CCDC171: variants seen among roughly 807,000 people sequenced by gnomAD.
The protein encoded by CCDC171 is coiled-coil domain-containing protein 171.
A neutral mutation model predicts 168.2 loss-of-function variants in CCDC171; 177 were observed. The observed-to-expected ratio is 1.05, with a 90% CI of 0.93 to 1.19. The LOEUF (loss-of-function observed/expected upper bound fraction) is 1.19. CCDC171 is among the 50% of genes most tolerant of loss of function. CCDC171 has a pLI of 0.00. For missense variants in CCDC171, 1,991 were observed against 1,539.0 expected, an observed-to-expected ratio of 1.29 and a Z score of -4.91; for synonymous variants, 687 against 540.8, an observed-to-expected ratio of 1.27 and a Z score of -3.75.
intron 11 of CCDC171, among the ~76,000 whole-genome samples, chr9:15,708,065 C>T (rs1000658859): frequency 1.3e-5 from 2 of 152,196 alleles, no homozygotes; most frequent in Non-Finnish European, 2.9e-5. Context: ...CCAGGCTGGT[C>T]TTGAACTCCT....
chr9:15,569,081 G>C (rs2039989610), intron 2 of CCDC171, among the ~76,000 whole-genome samples: 1 of 152,160 alleles, frequency 6.6e-6, no homozygotes, highest in Non-Finnish European at 1.5e-5. Context: ...CTAGACTTTG[G>C]AGGAACTACT....
At chr9:15,936,410 A>G (rs1827124615) in intron 25 of CCDC171, among the ~76,000 whole-genome samples, 1 of 151,886 alleles carries the variant, frequency 6.6e-6, no homozygotes, top group African/African-American at 2.4e-5. Context: ...CACCAGCACA[A>G]TTTACAATCA....
At chr9:15,770,453 A>T (rs2056955832) in intron 18 of CCDC171, among the ~76,000 whole-genome samples, 2 of 152,182 alleles carry the variant, frequency 1.3e-5, no homozygotes, top group African/African-American at 4.8e-5. Flanking sequence ...TATTCTTAGA[A>T]GGGGAGCCAT....
chr9:15,602,494 A>G (rs1262157448), intron 6 of CCDC171, among the ~76,000 whole-genome samples: 2 of 151,980 alleles, frequency 1.3e-5, no homozygotes, highest in East Asian at 3.9e-4. Flanking sequence ...GAAAATCTCA[A>G]TTTTATGCCA....
At chr9:15,775,479 C>A (rs540302109) in intron 18 of CCDC171, among the ~76,000 whole-genome samples, 1 of 152,114 alleles carries the variant, frequency 6.6e-6, no homozygotes, top group African/African-American at 2.4e-5. Context: ...CCACCACGCC[C>A]GGCTAATTTT....
intron 6 of CCDC171, 46 bp downstream of exon 6, chr9:15,594,218 T>TA (rs766168803): frequency 9.6e-7 from 1 of 1,040,392 alleles, no homozygotes; most frequent in South Asian, 1.6e-5. Flanking sequence ...TTTTAATGCT[T>TA]ATGATATTCA....
intron 24 of CCDC171, among the ~76,000 whole-genome samples, chr9:15,916,064 A>G (rs1183187982): frequency 6.6e-6 from 1 of 152,002 alleles, no homozygotes; most frequent in African/African-American, 2.4e-5. Flanking sequence ...CTTCTTCCTT[A>G]GGAATGACAT....
chr9:15,631,427 A>C (rs1177165729), intron 7 of CCDC171, among the ~76,000 whole-genome samples: 3 of 152,234 alleles, frequency 2.0e-5, no homozygotes, highest in Non-Finnish European at 4.4e-5. Context: ...TCTTGAAGAA[A>C]TTGATAGATT....
At chr9:15,719,201 T>A (rs2053290830) in intron 11 of CCDC171, among the ~76,000 whole-genome samples, 1 of 151,994 alleles carries the variant, frequency 6.6e-6, no homozygotes, top group Non-Finnish European at 1.5e-5. Flanking sequence ...GAAGAATGTG[T>A]CAAAGTCTCT....
intron 3 of CCDC171, among the ~76,000 whole-genome samples, chr9:15,993,237 C>A (rs574313498): frequency 0.026 from 3,950 of 151,780 alleles, 179 homozygotes; most frequent in African/African-American, 0.092. Flanking sequence ...GTACTGGTAC[C>A]AAAACAGAGA....
At chr9:15,672,078 A>G (rs2049158344) in intron 9 of CCDC171, among the ~76,000 whole-genome samples, 2 of 152,062 alleles carry the variant, frequency 1.3e-5, no homozygotes, top group African/African-American at 4.8e-5. Flanking sequence ...TGTGGTTTTG[A>G]TTTGCATTTC....
At chr9:15,786,463 A>G (rs888507937) in intron 21 of CCDC171, among the ~76,000 whole-genome samples, 1 of 152,200 alleles carries the variant, frequency 6.6e-6, no homozygotes, top group African/African-American at 2.4e-5. Flanking sequence ...TGTTTTAAAA[A>G]TATAGAAATA....
intron 7 of CCDC171, among the ~76,000 whole-genome samples, chr9:15,635,227 T>C (rs927114297): frequency 6.6e-6 from 1 of 152,174 alleles, no homozygotes; most frequent in African/African-American, 2.4e-5. Context: ...ATCTCAAAAG[T>C]AGATAAGCCA....
At chr9:15,778,340 A>T (rs1289019182) in intron 19 of CCDC171, among the ~76,000 whole-genome samples, 14 of 101,216 alleles carry the variant, frequency 1.4e-4, no homozygotes, top group African/African-American at 4.2e-4. Context: ...AAAAAAAAAA[A>T]AAAAAAAAAA....
chr9:16,046,052 C>T (rs1833654407), intron 1 of CCDC171, among the ~76,000 whole-genome samples: 1 of 152,176 alleles, frequency 6.6e-6, no homozygotes, highest in Non-Finnish European at 1.5e-5. Flanking sequence ...CTATTTTACA[C>T]ACTGGTTAGG....
intron 1 of CCDC171, among the ~76,000 whole-genome samples, chr9:16,054,825 T>C (rs111761784): frequency 1.3e-3 from 197 of 152,300 alleles, no homozygotes; most frequent in African/African-American, 4.5e-3. Context: ...TTTAGGACAC[T>C]AGTCCTTCAG....
chr9:15,582,443 G>A (rs2041203618), intron 4 of CCDC171, among the ~76,000 whole-genome samples: 1 of 152,004 alleles, frequency 6.6e-6, no homozygotes, highest in African/African-American at 2.4e-5. Flanking sequence ...TATACCCAAA[G>A]GATTATAAAT....
At chr9:15,623,218 C>T (rs1206762856) in intron 6 of CCDC171, 49 bp from the exon 7 acceptor site, 4 of 1,424,746 alleles carry the variant, frequency 2.8e-6, no homozygotes, top group South Asian at 3.1e-5. Flanking sequence ...GACTCTTAGT[C>T]ATTGATGGCT....
chr9:15,655,086 G>T (rs1037424695), intron 7 of CCDC171, among the ~76,000 whole-genome samples: 6 of 151,928 alleles, frequency 3.9e-5, no homozygotes, highest in Admixed American at 1.3e-4. Flanking sequence ...AATGTTAAAT[G>T]ACGAGTTAAT....
Sources: allele counts gnomAD v4.1 joint callset (sites outside exome capture counted in the v4.1 genomes callset), GRCh38; gene constraint gnomAD v4.1.1; transcripts MANE v1.5; gene names NCBI Gene and HGNC (gene_info 2026-07-23, HGNC 2026-07-21).